OLFM4: variants seen among roughly 807,000 people sequenced by gnomAD.
OLFM4 encodes the protein olfactomedin-4.
OLFM4 carries 22 observed loss-of-function variants against 25.5 expected under a neutral mutation model. That is an observed-to-expected ratio of 0.86 (90% CI 0.62 to 1.23). The LOEUF is 1.23. Among genes scored for constraint, OLFM4 ranks in the 50% most tolerant of loss-of-function variants. OLFM4 has a pLI of 0.00. For missense variants in OLFM4, 594 were observed against 619.4 expected (o/e 0.96, Z 0.44); for synonymous variants, 255 against 237.7 (o/e 1.07, Z -0.67).
At chr13:53,039,946 G>C (rs1954678896) in intron 2 of OLFM4, among the ~76,000 whole-genome samples, 1 of 152,170 alleles carries the variant, frequency 6.6e-6, no homozygotes, top group Admixed American at 6.5e-5. Flanking sequence ...GGGTTAAGTG[G>C]AAGGGCTGAA....
intron 1 of OLFM4, among the ~76,000 whole-genome samples, chr13:53,032,406 T>C (rs1593477139): frequency 1.3e-5 from 2 of 152,180 alleles, no homozygotes; most frequent in African/African-American, 4.8e-5. Flanking sequence ...GATATGTCGG[T>C]CTTTTCTGTA....
chr13:53,035,909 T>A (rs1349967078), intron 2 of OLFM4, among the ~76,000 whole-genome samples: 1 of 152,230 alleles, frequency 6.6e-6, no homozygotes, highest in Admixed American at 6.5e-5. Flanking sequence ...TTAGAAAAGT[T>A]CCTATTTTCT....
rs1156815625 is a variant in OLFM4, at chr13:53,051,821, T to C, written c.*1050T>C. 1 of 152,134 alleles carries C rather than the reference T, an allele frequency of 6.6e-6. No individual in the cohort carries two copies. The highest frequency in any genetic ancestry group is 1.5e-5 in the Non-Finnish European group (1 of 68,036). 9.4% of individuals were successfully genotyped at this position (152,134 alleles called of 1,614,324 possible). On this transcript the variant is annotated 3_prime_UTR_variant, in exon 5 of 5. Transcript: ENST00000219022. ...CCTGGAACTTGTAAGAAAATGAAAA[T>C]TTAATTTTTTTTTCTAGGACGAGCT...
rs1490316897 is a variant in OLFM4, at chr13:53,034,447, T to G, written c.304T>G (p.Leu102Val). 6.2e-7 allele frequency: 1 copy of G among 1,614,066 alleles called. No individual in the cohort carries two copies. The change falls in exon 2 of 5, where the codon TTG becomes GTG. Residue 102 changes from leucine (L) to valine (V), a missense_variant. Coordinates refer to ENST00000219022, the MANE Select transcript of OLFM4 (RefSeq NM_006418.5). ...CTTTCCCGTGGACAGAGTGGAACGC[T>G]TGGAATTCACAGCTCATGTTCTTTC... The part of the protein sequence containing the change: ...TTFPVDRVER[L>V]EFTAHVLSQK...
In OLFM4 at chr13:53,045,069, G is replaced by A. The variant is rs571973035; in HGVS notation, c.730+1805G>A. Among the ~76,000 whole-genome samples the A allele has an allele frequency of 2.0e-4, 30 of 152,248 alleles. No homozygotes were observed. In the East Asian group the frequency reaches 4.8e-3, roughly 24 times the overall value. On this transcript the variant is annotated intron_variant, in intron 4 of 4. Coordinates refer to ENST00000219022, the MANE Select transcript of OLFM4 (RefSeq NM_006418.5). Reference sequence around the variant, plus strand: ...TCCTGAGGCCACACAAGTAGTTAATGACAGAGCAGAAGCTGCAAGGCAAGG... The same window carrying A: ...TCCTGAGGCCACACAAGTAGTTAATAACAGAGCAGAAGCTGCAAGGCAAGG...
rs553900699 is a variant in OLFM4, at chr13:53,050,050, A to T, written c.812A>T (p.Tyr271Phe). Reference sequence around the variant, plus strand: ...AACTGGAGAGGGTTTTCTTATCTATATGGTGCTTGGGGTAGGGATTACTCT... The same window carrying T: ...AACTGGAGAGGGTTTTCTTATCTATTTGGTGCTTGGGGTAGGGATTACTCT... ...QLNWRGFSYLYGAWGRDYSPQ... is the reference protein window; with the variant it reads ...QLNWRGFSYLFGAWGRDYSPQ... The change falls in exon 5 of 5, where the codon TAT (tyrosine) becomes TTT (phenylalanine). Residue 271 changes from tyrosine (Y) to phenylalanine (F), a missense_variant. Coordinates refer to ENST00000219022, the MANE Select transcript of OLFM4 (RefSeq NM_006418.5). 1.2e-6 allele frequency: 2 copies of T among 1,614,010 alleles called. No homozygotes were observed. Among genetic ancestry groups the T allele is most frequent in the South Asian group, 2.2e-5 (2 of 91,076 alleles).
intron 1 of OLFM4, among the ~76,000 whole-genome samples, chr13:53,034,087 G>T (rs914117897): frequency 7.3e-6 from 1 of 137,374 alleles, no homozygotes; most frequent in African/African-American, 2.6e-5. Flanking sequence ...AAAAAGCCTC[G>T]AGAATGGGGA....
chr13:53,045,160 G>A (rs1393585340), intron 4 of OLFM4, among the ~76,000 whole-genome samples: 1 of 152,120 alleles, frequency 6.6e-6, no homozygotes, highest in Non-Finnish European at 1.5e-5. Flanking sequence ...GACAACGGTG[G>A]GGAGAAAATG....
At position 53,030,030 on chromosome 13, in the gene OLFM4, G is replaced by T. The variant is rs545110720; in HGVS notation, c.204+990G>T. 1.1e-4 allele frequency among the ~76,000 whole-genome samples: 16 copies of T among 152,270 alleles called. No individual in the cohort carries two copies. In the South Asian group the frequency reaches 2.9e-3, roughly 28 times the overall value. On this transcript the variant is annotated intron_variant, in intron 1 of 4. Coordinates refer to ENST00000219022, the MANE Select transcript of OLFM4 (RefSeq NM_006418.5). ...GTGGGGGAGTCTTATCTGGGCCAAA[G>T]CTTCTCTCTCTAAGCCTCTAGGATC...
chr13:53,042,275 G>T (rs1954692024), intron 3 of OLFM4, among the ~76,000 whole-genome samples, 153 bp downstream of exon 3: 1 of 152,166 alleles, frequency 6.6e-6, no homozygotes, highest in Non-Finnish European at 1.5e-5. Context: ...TTCTGTTTTG[G>T]ATAAGGGCAT....
At chr13:53,039,429 C>G (rs1954676298) in intron 2 of OLFM4, among the ~76,000 whole-genome samples, 1 of 152,080 alleles carries the variant, frequency 6.6e-6, no homozygotes, top group South Asian at 2.1e-4. Context: ...GGTTCCGCAT[C>G]TGCAGATATA....
chr13:53,037,138 G>A (rs1453912555), intron 2 of OLFM4, among the ~76,000 whole-genome samples: 1 of 152,224 alleles, frequency 6.6e-6, no homozygotes, highest in Non-Finnish European at 1.5e-5. Flanking sequence ...CAGTAGAAAA[G>A]GTTTTTGACT....
intron 1 of OLFM4, 82 bp from the exon 2 acceptor site, chr13:53,034,266 G>T: frequency 6.9e-7 from 1 of 1,454,324 alleles, no homozygotes; most frequent in South Asian, 1.3e-5. Context: ...AAGTACTCTC[G>T]ACAAGCCAAT....
In OLFM4 at chr13:53,050,035, G is replaced by A; in HGVS notation, c.797G>A (p.Gly266Glu). Reference protein sequence around the residue: ...KPSVVQLNWRGFSYLYGAWGR... With the variant: ...KPSVVQLNWREFSYLYGAWGR... The stretch of plus-strand genomic sequence containing the variant: ...TCTGTGGTTCAGCTCAACTGGAGAG[G>A]GTTTTCTTATCTATATGGTGCTTGG... The change falls in exon 5 of 5, where the codon GGG (glycine) becomes GAG (glutamate). Residue 266 changes from glycine to glutamate, a missense_variant. By Grantham distance (98) the Gly-to-Glu change is moderately conservative. Coordinates refer to ENST00000219022, the MANE Select transcript of OLFM4 (RefSeq NM_006418.5). The A allele has an allele frequency of 6.2e-7, 1 of 1,613,640 alleles. No homozygotes were observed. The highest frequency in any genetic ancestry group is 1.1e-5 in the South Asian group (1 of 91,050).
intron 3 of OLFM4, among the ~76,000 whole-genome samples, chr13:53,042,554 C>T (rs1172527122): frequency 2.0e-5 from 3 of 152,194 alleles, no homozygotes; most frequent in Admixed American, 1.3e-4. Context: ...TGGAATCCTT[C>T]TCTGCAAACT....
intron 2 of OLFM4, among the ~76,000 whole-genome samples, chr13:53,037,397 G>A (rs1470490721): frequency 6.6e-6 from 1 of 152,132 alleles, no homozygotes; most frequent in Non-Finnish European, 1.5e-5. Flanking sequence ...GGTTGAGGCA[G>A]CCTAGGAGAC....
chr13:53,031,369 A>G (rs1476052244), intron 1 of OLFM4, among the ~76,000 whole-genome samples: 1 of 152,190 alleles, frequency 6.6e-6, no homozygotes, highest in African/African-American at 2.4e-5. Context: ...GTTGAGTACC[A>G]TTATTTTATA....
rs1481205694 is a variant in OLFM4, at chr13:53,050,370, G to A, written c.1132G>A (p.Val378Ile). 6.2e-7 allele frequency: 1 copy of A among 1,613,928 alleles called. No individual in the cohort carries two copies. The highest frequency in any genetic ancestry group is 8.5e-7 in the Non-Finnish European group (1 of 1,179,974). The stretch of plus-strand genomic sequence containing the variant: ...TAATAACCGCTTTTCATATGCTAAT[G>A]TTGCTTGGCAAGATATTGACTTTGC... ...AYNNRFSYAN[V>I]AWQDIDFAVD... Residue 378 changes from valine to isoleucine, a missense_variant, in exon 5 of 5, where the codon GTT becomes ATT. Val to Ile is a conservative substitution (Grantham distance 29). Transcript: ENST00000219022.
Position 53,050,196 on chromosome 13 carries a change from G to A in OLFM4, c.958G>A (p.Glu320Lys). 1 of 1,614,012 alleles carries A rather than the reference G, an allele frequency of 6.2e-7. No homozygotes were observed. Among genetic ancestry groups the A allele is most frequent in the Non-Finnish European group, 8.5e-7 (1 of 1,179,958 alleles). Residue 320 changes from glutamate to lysine, a missense_variant, in exon 5 of 5, where the codon GAG becomes AAG. By Grantham distance (56) the Glu-to-Lys change is moderately conservative. Coordinates refer to ENST00000219022, the MANE Select transcript of OLFM4 (RefSeq NM_006418.5). ...DDLLLYINAR[E>K]LRITYGQGSG... ...TTTGCTATTGTATATAAATGCTCGA[G>A]AGTTGCGGATCACCTATGGCCAAGG... is the stretch of plus-strand genomic sequence containing the variant.
Sources: allele counts gnomAD v4.1 joint callset (sites outside exome capture counted in the v4.1 genomes callset), GRCh38; gene constraint gnomAD v4.1.1; transcripts MANE v1.5; gene names NCBI Gene and HGNC (gene_info 2026-07-23, HGNC 2026-07-21).